RIMS3: variants seen among roughly 807,000 people sequenced by gnomAD.
RIMS3 encodes regulating synaptic membrane exocytosis 3.
In RIMS3, 15 loss-of-function variants were observed where a neutral mutation model predicts 29.2. That is an observed-to-expected ratio of 0.51 (90% CI 0.34 to 0.79). The LOEUF is 0.79. Ranked by LOEUF, RIMS3 falls within the 30% of genes least tolerant of loss-of-function variation. The pLI, the probability that RIMS3 is intolerant of heterozygous loss-of-function variation, is 0.01. For missense variants in RIMS3, 342 were observed against 421.4 expected (o/e 0.81, Z 1.65); for synonymous variants, 161 against 170.1 (o/e 0.95, Z 0.41).
chr1:40,687,233 T>C, the RIMS3 span, among the ~76,000 whole-genome samples: 1 of 152,138 alleles, frequency 6.6e-6, no homozygotes, highest in Non-Finnish European at 1.5e-5. Flanking sequence ...AATTTCAGTA[T>C]GGGATAATGA....
rs1642411924 is a variant in RIMS3 at position 40,665,544 on chromosome 1, T to C, written c.-357A>G. 1 of 152,036 alleles carries C rather than the reference T, an allele frequency of 6.6e-6. No homozygotes were observed. Among genetic ancestry groups the C allele is most frequent in the Admixed American group, 6.6e-5 (1 of 15,262 alleles). The allele number at this position is 152,036 out of a possible 1,614,324, so 9.4% of individuals were successfully genotyped here. A position where few individuals can be genotyped will look rare whatever the true frequency, so the allele number is the denominator to read the frequency against. Reference sequence around the variant, plus strand: ...CAGGCTGGCGCGGACTCCGAGTGGATAGGCACGCGGGGCGGGGAGGGGCGG... The same window carrying C: ...CAGGCTGGCGCGGACTCCGAGTGGACAGGCACGCGGGGCGGGGAGGGGCGG... On this transcript the variant is annotated 5_prime_UTR_variant, in exon 1 of 8. Transcript: ENST00000372684.
In RIMS3 at chr1:40,641,888, G is replaced by A. The variant is rs1570182285; in HGVS notation, c.38C>T (p.Ala13Val). ...GGAGCTCCGCACCACATTCCTGGAG[G>A]CCCCAGATGAGGCAGGACCTGGCTC... Reference protein sequence around the residue: ...NGEPGPASSGASRNVVRSSSI... With the variant: ...NGEPGPASSGVSRNVVRSSSI... The change falls in exon 3 of 8, where the codon GCC (alanine) becomes GTC (valine). Residue 13 changes from alanine to valine, a missense_variant. By Grantham distance (64) the Ala-to-Val change is moderately conservative (BLOSUM62 0). Coordinates refer to ENST00000372684, the MANE Select transcript of RIMS3 (RefSeq NM_014747.3). 1 of 1,613,572 alleles carries A rather than the reference G, an allele frequency of 6.2e-7. No individual in the cohort carries two copies. The highest frequency in any genetic ancestry group is 8.5e-7 in the Non-Finnish European group (1 of 1,179,554).
intron 3 of RIMS3, 49 bp downstream of exon 3, chr1:40,641,660 T>C (rs1255029395): frequency 6.3e-7 from 1 of 1,578,368 alleles, no homozygotes; most frequent in Non-Finnish European, 8.7e-7. Context: ...TAGTCTGTCT[T>C]TGCGAAGTGT....
intron 1 of RIMS3, among the ~76,000 whole-genome samples, chr1:40,662,151 G>A (rs1422606235): frequency 6.6e-6 from 1 of 152,154 alleles, no homozygotes; most frequent in Non-Finnish European, 1.5e-5. Context: ...TTGGCCTGAG[G>A]ATAAATTCCC....
upstream of RIMS3, among the ~76,000 whole-genome samples, chr1:40,670,574 T>TTA (rs553412097): frequency 0.12 from 8,250 of 71,044 alleles, 631 homozygotes; most frequent in Non-Finnish European, 0.13. Context: ...AGTTATAATT[T>TTA]TATATATATA....
At chr1:40,676,839 C>A in the RIMS3 span, among the ~76,000 whole-genome samples, 1 of 152,104 alleles carries the variant, frequency 6.6e-6, no homozygotes, top group African/African-American at 2.4e-5. Context: ...TATCATCTTA[C>A]TTGATGAAAA....
chr1:40,677,632 A>G, the RIMS3 span, among the ~76,000 whole-genome samples: 1 of 152,028 alleles, frequency 6.6e-6, no homozygotes, highest in Admixed American at 6.6e-5. Flanking sequence ...CAGGAGGCGG[A>G]GCTTGCAGTG....
At chr1:40,681,841 T>G in the RIMS3 span, among the ~76,000 whole-genome samples, 1 of 152,180 alleles carries the variant, frequency 6.6e-6, no homozygotes, top group Admixed American at 6.5e-5. Flanking sequence ...TTTTATTTTA[T>G]TATTTATTTG....
upstream of RIMS3, among the ~76,000 whole-genome samples, chr1:40,670,146 A>C (rs997731733): frequency 1.3e-5 from 2 of 152,180 alleles, no homozygotes; most frequent in Non-Finnish European, 2.9e-5. Context: ...TCTTACTGAA[A>C]ATGCTTTTCA....
chr1:40,626,323 C>T lies in RIMS3; in HGVS notation c.*194G>A, dbSNP rs1570167013. 6.3e-6 allele frequency: 4 copies of T among 634,416 alleles called. No homozygotes were observed. The highest frequency in any genetic ancestry group is 2.3e-5 in the Admixed American group (1 of 42,912). 39.3% of individuals were successfully genotyped at this position (634,416 alleles called of 1,614,324 possible). A position where few individuals can be genotyped will look rare whatever the true frequency, so the allele number is the denominator to read the frequency against. On this transcript the variant is annotated 3_prime_UTR_variant, in exon 8 of 8. Coordinates refer to ENST00000372684, the MANE Select transcript of RIMS3 (RefSeq NM_014747.3). The stretch of plus-strand genomic sequence containing the variant: ...CAAATGAACAGATAGAACGTGGTCA[C>T]GTACACACACACACACACGCACGCA...
upstream of RIMS3, among the ~76,000 whole-genome samples, chr1:40,667,979 G>T (rs924747847): frequency 1.3e-5 from 2 of 152,126 alleles, no homozygotes; most frequent in Non-Finnish European, 2.9e-5. Context: ...GTGGCCGGGG[G>T]CGGTGGCTCA....
rs1272927270 is a variant in RIMS3 at position 40,621,521 on chromosome 1, G to A, written c.*4996C>T. The A allele has an allele frequency of 6.6e-6, 1 of 152,190 alleles. No homozygotes were observed. Among genetic ancestry groups the A allele is most frequent in the Non-Finnish European group, 1.5e-5 (1 of 68,044 alleles). 9.4% of individuals were successfully genotyped at this position (152,190 alleles called of 1,614,324 possible). A position where few individuals can be genotyped will look rare whatever the true frequency, so the allele number is the denominator to read the frequency against. On this transcript the variant is annotated 3_prime_UTR_variant, in exon 8 of 8. Coordinates refer to ENST00000372684, the MANE Select transcript of RIMS3 (RefSeq NM_014747.3). ...GAAGGAAACCAGCCCACGGAGACAG[G>A]AACCAGGTGCACCAGGCTCGCAACC...
At chr1:40,659,314 G>C (rs927958323) in intron 1 of RIMS3, among the ~76,000 whole-genome samples, 3 of 152,150 alleles carry the variant, frequency 2.0e-5, no homozygotes, top group Non-Finnish European at 4.4e-5. Context: ...ACATCATAAA[G>C]GGCTTTGAAT....
chr1:40,666,122 G>A (rs556083227), upstream of RIMS3, among the ~76,000 whole-genome samples: 27 of 152,298 alleles, frequency 1.8e-4, no homozygotes, highest in African/African-American at 6.3e-4. Context: ...GCTCAGATAG[G>A]AGAAAAGACT....
chr1:40,656,922 T>A (rs1642281897), intron 1 of RIMS3, among the ~76,000 whole-genome samples: 1 of 152,068 alleles, frequency 6.6e-6, no homozygotes, highest in Non-Finnish European at 1.5e-5. Flanking sequence ...CTGAAAGTCA[T>A]CCCTGGTCCC....
At chr1:40,633,241 A>G in intron 4 of RIMS3, 60 bp from the exon 5 acceptor site, 1 of 1,366,982 alleles carries the variant, frequency 7.3e-7, no homozygotes, top group Non-Finnish European at 1.0e-6. Flanking sequence ...ATGAAAGTAT[A>G]GCTGGCAGGC....
At chr1:40,690,269 T>A in the RIMS3 span, 1 of 152,236 alleles carries the variant, frequency 6.6e-6, no homozygotes, top group African/African-American at 2.4e-5. Context: ...TTTTTTCCAT[T>A]AGCTACATCT....
intron 7 of RIMS3, among the ~76,000 whole-genome samples, chr1:40,627,023 A>G (rs1442458702): frequency 6.6e-6 from 1 of 152,210 alleles, no homozygotes; most frequent in East Asian, 1.9e-4. Flanking sequence ...TAGCTAACCT[A>G]AAGTTGCACA....
the RIMS3 span, among the ~76,000 whole-genome samples, chr1:40,687,961 T>C: frequency 6.6e-6 from 1 of 152,178 alleles, no homozygotes; most frequent in African/African-American, 2.4e-5. Context: ...CTATATCTTT[T>C]AGTGCCGCTT....
Sources: allele counts gnomAD v4.1 joint callset (sites outside exome capture counted in the v4.1 genomes callset), GRCh38; gene constraint gnomAD v4.1.1; transcripts MANE v1.5; gene names NCBI Gene and HGNC (gene_info 2026-07-23, HGNC 2026-07-21).